The following SLC9A2 variants were observed in gnomAD, a reference collection of about 807,000 sequenced individuals.
SLC9A2 encodes the protein sodium/hydrogen exchanger 2.
Under a neutral mutation model 71.7 loss-of-function variants are expected in SLC9A2, and 42 were observed. That is an observed-to-expected ratio of 0.59 (90% confidence interval 0.46 to 0.76). SLC9A2 has a LOEUF of 0.76. SLC9A2 is among the 30% of genes least tolerant of loss of function. SLC9A2 has a pLI of 0.00. For missense variants in SLC9A2, 829 were observed against 1,017.4 expected, an observed-to-expected ratio of 0.81 and a Z score of 2.52; for synonymous variants, 396 against 392.5, an observed-to-expected ratio of 1.01 and a Z score of -0.10.
At chr2:102,651,324 C>G (rs1676830098) in intron 1 of SLC9A2, among the ~76,000 whole-genome samples, 1 of 152,172 alleles carries the variant, frequency 6.6e-6, no homozygotes, top group Non-Finnish European at 1.5e-5. Flanking sequence ...AACTTCTGTC[C>G]CAGGGCCACA....
chr2:102,666,524 G>A (rs894229782), intron 3 of SLC9A2, among the ~76,000 whole-genome samples: 4 of 152,146 alleles, frequency 2.6e-5, no homozygotes, highest in Non-Finnish European at 5.9e-5. Context: ...AAAGATGCAG[G>A]ATTATAAAGC....
intron 3 of SLC9A2, among the ~76,000 whole-genome samples, chr2:102,672,041 G>A (rs967936594): frequency 2.6e-5 from 4 of 152,142 alleles, no homozygotes; most frequent in Admixed American, 1.3e-4. Context: ...CCCGGGAGGC[G>A]GAGGTTGCAG....
chr2:102,621,837 G>C (rs938959687), intron 1 of SLC9A2, among the ~76,000 whole-genome samples: 1 of 152,172 alleles, frequency 6.6e-6, no homozygotes, highest in Non-Finnish European at 1.5e-5. Context: ...TTTCCAGGAT[G>C]ACCAGGATCT....
chr2:102,644,707 T>G (rs1182810292), intron 1 of SLC9A2, among the ~76,000 whole-genome samples: 1 of 152,140 alleles, frequency 6.6e-6, no homozygotes, highest in Admixed American at 6.6e-5. Context: ...GCAGAACTCA[T>G]GGCAGTGTGG....
At chr2:102,670,594 C>A (rs1460457148) in intron 3 of SLC9A2, among the ~76,000 whole-genome samples, 2 of 129,804 alleles carry the variant, frequency 1.5e-5, no homozygotes, top group African/African-American at 6.2e-5. Flanking sequence ...ATCCCCTCCC[C>A]CCACCAAAAA....
Position 102,658,115 on chromosome 2 carries a change from G to C in SLC9A2, c.753+88G>C, listed in dbSNP as rs1439783545. ...TCTCTGCACCTCAACTGGCAGGGGC[G>C]AGACCCTGCACACAGGGTGGTTTCA... On this transcript the variant is annotated intron_variant, in intron 2 of 11. Transcript: ENST00000233969. 5.1e-6 allele frequency: 5 copies of C among 984,910 alleles called. No individual in the cohort carries two copies. In the Admixed American group the frequency reaches 6.5e-5, roughly 13 times the overall value. 61.0% of individuals were successfully genotyped at this position (984,910 alleles called of 1,614,324 possible). A position where few individuals can be genotyped will look rare whatever the true frequency, so the allele number is the denominator to read the frequency against.
intron 9 of SLC9A2, 33 bp from the exon 10 acceptor site, chr2:102,704,511 T>C (rs754453447): frequency 6.3e-6 from 10 of 1,598,738 alleles, no homozygotes; most frequent in Admixed American, 3.4e-5. Flanking sequence ...TTTGTTTTTG[T>C]TTTTTAATGT....
At chr2:102,632,221 T>TA (rs1210972661) in intron 1 of SLC9A2, among the ~76,000 whole-genome samples, 3 of 141,646 alleles carry the variant, frequency 2.1e-5, no homozygotes, top group South Asian at 4.3e-4. Context: ...AATATATATA[T>TA]TTATTATATA....
chr2:102,703,402 G>A (rs1171645620), intron 9 of SLC9A2, among the ~76,000 whole-genome samples: 2 of 152,028 alleles, frequency 1.3e-5, no homozygotes, highest in Non-Finnish European at 2.9e-5. Context: ...TTTGGCCCAG[G>A]TAGCTTTCTC....
chr2:102,629,374 T>A (rs1052369677), intron 1 of SLC9A2, among the ~76,000 whole-genome samples: 4 of 152,108 alleles, frequency 2.6e-5, no homozygotes, highest in Admixed American at 1.3e-4. Flanking sequence ...TTTGCGCATG[T>A]ACTTTTTTTC....
intron 10 of SLC9A2, among the ~76,000 whole-genome samples, chr2:102,705,635 C>T (rs921924131): frequency 2.0e-5 from 3 of 152,052 alleles, no homozygotes; most frequent in African/African-American, 7.2e-5. Context: ...CCCACTTATT[C>T]CTATTTCCCT....
At position 102,648,471 on chromosome 2, in the gene SLC9A2, A is replaced by G. The variant is rs560999066; in HGVS notation, c.290-9093A>G. On this transcript the variant is annotated intron_variant, in intron 1 of 11. Coordinates refer to ENST00000233969, the MANE Select transcript of SLC9A2 (RefSeq NM_003048.6). ...CCCTCTCTCGCCACTCCCATTCAAC[A>G]TAGAATTGGAAGTTCTGGCCAGGGC... Among the ~76,000 whole-genome samples the G allele has an allele frequency of 9.5e-4, 145 of 152,322 alleles. 1 individual carries two copies. The highest frequency in any genetic ancestry group is 3.1e-3 in the African/African-American group (127 of 41,574).
In SLC9A2 at chr2:102,708,773, T is replaced by C. The variant is rs557487376; in HGVS notation, c.*284T>C. 2.4e-4 allele frequency: 80 copies of C among 330,186 alleles called. No homozygotes were observed. Among genetic ancestry groups the C allele is most frequent in the Non-Finnish European group, 3.4e-4 (61 of 181,446 alleles). 20.5% of individuals were successfully genotyped at this position (330,186 alleles called of 1,614,324 possible). A position where few individuals can be genotyped will look rare whatever the true frequency, so the allele number is the denominator to read the frequency against. ...AATGTGTGCCTTTATTGAACTTGAA[T>C]GACAGAACTTGAAATTTTTAACACA... On this transcript the variant is annotated 3_prime_UTR_variant, in exon 12 of 12. Coordinates refer to ENST00000233969, the MANE Select transcript of SLC9A2 (RefSeq NM_003048.6).
chr2:102,691,753 C>T (rs1002080047), intron 5 of SLC9A2, among the ~76,000 whole-genome samples: 21 of 152,114 alleles, frequency 1.4e-4, no homozygotes, highest in African/African-American at 5.1e-4. Context: ...GGGTGGTAGG[C>T]CACACTTGCT....
chr2:102,707,876 C>G (rs62152138), intron 11 of SLC9A2, among the ~76,000 whole-genome samples: 6,907 of 152,270 alleles, frequency 0.045, 238 homozygotes, highest in Non-Finnish European at 0.07. Context: ...GGACTTAGGA[C>G]AGTGCCTGGC....
chr2:102,694,494 C>A lies in SLC9A2; in HGVS notation c.1506C>A (p.Ile502=). 1 of 1,523,424 alleles carries A rather than the reference C, an allele frequency of 6.6e-7. No individual in the cohort carries two copies. Among genetic ancestry groups the A allele is most frequent in the Non-Finnish European group, 9.0e-7 (1 of 1,117,166 alleles). 94.4% of individuals were successfully genotyped at this position (1,523,424 alleles called of 1,614,324 possible). ...AACAACAAGCTGTCAGTGAAGAAATCTATTGTCGGGTAGGTGTTAAGAGAG... is the reference window on the plus strand; with the variant it reads ...AACAACAAGCTGTCAGTGAAGAAATATATTGTCGGGTAGGTGTTAAGAGAG... ...NKKQQAVSEE[I]YCRLFDHVKT... is the part of the protein sequence containing the mutation. The change falls in exon 6 of 12, where the codon ATC becomes ATA. Residue 502 remains isoleucine (I), a synonymous_variant. Transcript: ENST00000233969.
chr2:102,657,515 C>A, intron 1 of SLC9A2, 49 bp from the exon 2 acceptor site: 1 of 1,339,994 alleles, frequency 7.5e-7, no homozygotes, highest in Non-Finnish European at 1.0e-6. Flanking sequence ...TCCTGTCTCC[C>A]AAATTCCTCC....
chr2:102,673,049 ACTC>A (rs1677284955), intron 3 of SLC9A2, among the ~76,000 whole-genome samples: 1 of 152,066 alleles, frequency 6.6e-6, no homozygotes, highest in Non-Finnish European at 1.5e-5. Context: ...AATACACAAA[ACTC>A]ATCCTAAGTA....
intron 1 of SLC9A2, among the ~76,000 whole-genome samples, chr2:102,621,315 C>G (rs1282376363): frequency 6.8e-6 from 1 of 147,980 alleles, no homozygotes; most frequent in Non-Finnish European, 1.5e-5. Context: ...CACCACTGCA[C>G]TCCAGCCTGG....
Sources: allele counts gnomAD v4.1 joint callset (sites outside exome capture counted in the v4.1 genomes callset), GRCh38; gene constraint gnomAD v4.1.1; transcripts MANE v1.5; gene names NCBI Gene and HGNC (gene_info 2026-07-23, HGNC 2026-07-21).